Variants in ZBTB20 observed in about 807,000 individuals in gnomAD.
ZBTB20 encodes zinc finger and BTB domain containing 20, also known as zinc finger and BTB domain-containing protein 20.
In ZBTB20, 9 loss-of-function variants were observed where a neutral mutation model predicts 56.9. The ratio of observed to expected loss-of-function variants is 0.16; its 90% CI spans 0.10 to 0.28. ZBTB20 has a LOEUF of 0.28. ZBTB20 is among the 10% of genes least tolerant of loss of function. The pLI is 1.00. For synonymous variants in ZBTB20, 417 were observed against 420.7 expected, an observed-to-expected ratio of 0.99 and a Z score of 0.11; for missense variants, 655 against 1,003.0, an observed-to-expected ratio of 0.65 and a Z score of 4.69.
At chr3:114,474,241 A>G (rs945433877) in intron 7 of ZBTB20, among the ~76,000 whole-genome samples, 8 of 152,250 alleles carry the variant, frequency 5.3e-5, no homozygotes, top group African/African-American at 1.9e-4. Flanking sequence ...CCACAGGAAT[A>G]TGTTACAAGT....
At chr3:114,370,531 T>C in intron 10 of ZBTB20, among the ~76,000 whole-genome samples, 1 of 152,194 alleles carries the variant, frequency 6.6e-6, no homozygotes, top group East Asian at 1.9e-4. Flanking sequence ...TCCTGGTTTT[T>C]CTCCTATCCC....
intron 5 of ZBTB20, among the ~76,000 whole-genome samples, chr3:114,780,031 ATGAATAAAACCAGACTTTAAATCC>A (rs1392994660): frequency 3.3e-5 from 5 of 152,224 alleles, no homozygotes; most frequent in South Asian, 2.1e-4. Flanking sequence ...AAAATCTGTA[ATGAATAAAACCAGACTTTAAATCC>A]TGAATAAAAC....
At chr3:114,657,323 T>C (rs980439740) in intron 6 of ZBTB20, among the ~76,000 whole-genome samples, 32 of 152,240 alleles carry the variant, frequency 2.1e-4, no homozygotes, top group African/African-American at 7.2e-4. Context: ...TTTCTAAGGT[T>C]TGATCCTTCT....
rs115234324 is a variant in ZBTB20 at position 114,455,487 on chromosome 3, G to A, written c.-255+44865C>T. On this transcript the variant is annotated intron_variant, in intron 7 of 11. Coordinates refer to ENST00000675478, the MANE Select transcript of ZBTB20 (RefSeq NM_001348800.3). ...ATGAACCATAGATATTTATGTGCAG[G>A]TGCCAACATATTAGGGGTTTTCGTG... Among the ~76,000 whole-genome samples the A allele has an allele frequency of 5.0e-3, 755 of 152,170 alleles. 6 individuals carry two copies. Among genetic ancestry groups the A allele is most frequent in the Non-Finnish European group, 6.8e-3 (459 of 67,992 alleles).
In ZBTB20 at chr3:114,328,844, T is replaced by G. The variant is rs1427898448; in HGVS notation, c.*10161A>C. 1 of 152,122 alleles carries G rather than the reference T, an allele frequency of 6.6e-6. No homozygotes were observed. The highest frequency in any genetic ancestry group is 2.4e-5 in the African/African-American group (1 of 41,422). The allele number at this position is 152,122 out of a possible 1,614,324, so 9.4% of individuals were successfully genotyped here. A position where few individuals can be genotyped will look rare whatever the true frequency, so the allele number is the denominator to read the frequency against. Reference sequence around the variant, plus strand: ...GCAGTAATGAAGACAAATAGGTAATTTGAAGTAGTCTTCAAGAGAAACAAG... The same window carrying G: ...GCAGTAATGAAGACAAATAGGTAATGTGAAGTAGTCTTCAAGAGAAACAAG... On this transcript the variant is annotated 3_prime_UTR_variant, in exon 12 of 12. Transcript: ENST00000675478.
chr3:114,840,717 T>C (rs1027531908), intron 4 of ZBTB20, among the ~76,000 whole-genome samples: 2 of 152,140 alleles, frequency 1.3e-5, no homozygotes, highest in African/African-American at 4.8e-5. Context: ...ATTGATACCT[T>C]CCTATCCCTG....
chr3:115,000,390 G>A (rs2079199235), intron 2 of ZBTB20, among the ~76,000 whole-genome samples: 1 of 151,516 alleles, frequency 6.6e-6, no homozygotes, highest in African/African-American at 2.4e-5. Context: ...ACCGCTAGAA[G>A]TCTTTAAGGG....
chr3:114,819,636 T>A (rs1212810802), intron 4 of ZBTB20, among the ~76,000 whole-genome samples: 1 of 151,748 alleles, frequency 6.6e-6, no homozygotes, highest in Non-Finnish European at 1.5e-5. Flanking sequence ...CATCATAACA[T>A]GCTAAAATAA....
intron 1 of ZBTB20, among the ~76,000 whole-genome samples, chr3:115,078,613 G>GTGTGTGTGTGTGTATATATATA (rs769630983): frequency 1.5e-5 from 2 of 137,828 alleles, no homozygotes; most frequent in African/African-American, 5.7e-5. Flanking sequence ...GTGTGTGTGT[G>GTGTGTGTGTGTGTATATATATA]TATATATATA....
At chr3:114,498,686 C>T (rs548589804) in intron 7 of ZBTB20, among the ~76,000 whole-genome samples, 16 of 152,284 alleles carry the variant, frequency 1.1e-4, no homozygotes, top group African/African-American at 3.9e-4. Context: ...AGGTCACTCC[C>T]CCAGCCTTAT....
At chr3:114,712,066 C>T (rs776085866) in intron 5 of ZBTB20, among the ~76,000 whole-genome samples, 27 of 152,180 alleles carry the variant, frequency 1.8e-4, no homozygotes, top group African/African-American at 4.6e-4. Context: ...GTCCTGGCAG[C>T]GATCAGTGAG....
At chr3:115,052,230 G>T (rs1256154828) in intron 2 of ZBTB20, among the ~76,000 whole-genome samples, 1 of 151,864 alleles carries the variant, frequency 6.6e-6, no homozygotes, top group East Asian at 1.9e-4. Context: ...AGGTGGAGGC[G>T]GGCAGATCAC....
At chr3:115,000,253 T>C (rs116552961) in intron 2 of ZBTB20, among the ~76,000 whole-genome samples, 3,117 of 151,742 alleles carry the variant, frequency 0.021, 107 homozygotes, top group African/African-American at 0.072. Flanking sequence ...TGAATGTAGA[T>C]GATTTTAAAT....
chr3:114,588,784 C>G (rs1163993929), intron 6 of ZBTB20, among the ~76,000 whole-genome samples: 1 of 152,140 alleles, frequency 6.6e-6, no homozygotes, highest in Non-Finnish European at 1.5e-5. Flanking sequence ...CTGTTCTGTT[C>G]TTCCTTATGC....
chr3:114,908,839 C>G (rs1040775040), intron 3 of ZBTB20, among the ~76,000 whole-genome samples: 1 of 151,520 alleles, frequency 6.6e-6, no homozygotes, highest in African/African-American at 2.4e-5. Context: ...TTAAATGGAG[C>G]TAAAGGGAGG....
At chr3:114,796,102 G>T (rs896553725) in intron 5 of ZBTB20, among the ~76,000 whole-genome samples, 1 of 151,942 alleles carries the variant, frequency 6.6e-6, no homozygotes, top group Non-Finnish European at 1.5e-5. Context: ...CAGTTTTGGA[G>T]GCTACAAGTC....
intron 4 of ZBTB20, chr3:114,873,229 C>T (rs2076072084): frequency 6.6e-6 from 1 of 151,984 alleles, no homozygotes; most frequent in African/African-American, 2.4e-5. Flanking sequence ...AACTGTATCT[C>T]CAGTATCTAG....
intron 4 of ZBTB20, among the ~76,000 whole-genome samples, chr3:114,858,589 G>C (rs973161528): frequency 3.3e-5 from 5 of 151,650 alleles, no homozygotes; most frequent in African/African-American, 1.2e-4. Context: ...ATTTGCTTTA[G>C]GAGCTACTAG....
intron 6 of ZBTB20, among the ~76,000 whole-genome samples, chr3:114,670,467 C>T (rs541272231): frequency 5.9e-5 from 9 of 152,074 alleles, no homozygotes; most frequent in Non-Finnish European, 1.0e-4. Context: ...AAACACTTGC[C>T]TTTTTCTACC....
Sources: gnomAD v4.1 joint callset for allele counts (sites outside exome capture counted in the v4.1 genomes callset) on GRCh38, gnomAD v4.1.1 for gene constraint, MANE v1.5 for transcripts, NCBI Gene and HGNC (gene_info 2026-07-23, HGNC 2026-07-21) for gene names.